The following ADH1C variants were observed in gnomAD, a reference collection of about 807,000 sequenced individuals.
The protein encoded by ADH1C is alcohol dehydrogenase 1C (class I), gamma polypeptide.
ADH1C carries 26 observed loss-of-function variants against 35.0 expected under a neutral mutation model. The observed-to-expected ratio is 0.74, with a 90% CI of 0.54 to 1.03. The LOEUF is 1.03. Among genes scored for constraint, ADH1C ranks in the 50% least tolerant of loss-of-function variants. The pLI is 0.00. For synonymous variants in ADH1C, 170 were observed against 169.3 expected (o/e 1.00, Z -0.03); for missense variants, 413 against 465.4 (o/e 0.89, Z 1.04).
At chr4:99,349,267 C>T (rs947033655) in intron 1 of ADH1C, among the ~76,000 whole-genome samples, 20 of 149,274 alleles carry the variant, frequency 1.3e-4, no homozygotes, top group African/African-American at 2.2e-4. Context: ...TTAGGTCTAA[C>T]GTTTAAGTCT....
In ADH1C at chr4:99,347,730, G is replaced by GAA; in HGVS notation, c.120+13_120+14dup. The GAA allele has an allele frequency of 6.3e-7, 1 of 1,588,094 alleles. No homozygotes were observed. Among genetic ancestry groups the GAA allele is most frequent in the Non-Finnish European group, 8.6e-7 (1 of 1,167,320 alleles). On this transcript the variant is annotated intron_variant, in intron 2 of 8. Coordinates refer to ENST00000515683, the MANE Select transcript of ADH1C (RefSeq NM_000669.5). ...TTAAACTTAAAATTAAATACAAATG[G>GAA]AAAAAGTATTTCACCTTAATGCGAA...
At chr4:99,341,757 G>A (rs1021303023) in intron 6 of ADH1C, among the ~76,000 whole-genome samples, 15 of 152,236 alleles carry the variant, frequency 9.9e-5, no homozygotes, top group African/African-American at 2.9e-4. Flanking sequence ...ATATGTTTCC[G>A]TTGCCTTTGA....
chr4:99,339,767 T>C, intron 7 of ADH1C, 52 bp from the exon 8 acceptor site: 7 of 1,533,564 alleles, frequency 4.6e-6, no homozygotes, highest in Admixed American at 4.2e-5. Flanking sequence ...AGTAGGAGAA[T>C]TGAAGAGAAG....
rs878910431 is a variant in ADH1C at position 99,348,373 on chromosome 4, G to A, written c.19-527C>T. 5.8e-3 allele frequency among the ~76,000 whole-genome samples: 872 copies of A among 149,614 alleles called. 9 individuals carry two copies. The highest frequency in any genetic ancestry group is 0.02 in the African/African-American group (805 of 40,340). ...TTTCCACCTATGAGTGAGAATATGCGGTGTTTGGTTTTTTGTTCTTGCGAT... is the reference window on the plus strand; with the variant it reads ...TTTCCACCTATGAGTGAGAATATGCAGTGTTTGGTTTTTTGTTCTTGCGAT... On this transcript the variant is annotated intron_variant, in intron 1 of 8. Transcript: ENST00000515683.
chr4:99,347,887 C>T lies in ADH1C; in HGVS notation c.19-41G>A, dbSNP rs371506789. 209 of 1,607,464 alleles carry T rather than the reference C, an allele frequency of 1.3e-4. 2 individuals carry two copies. Among genetic ancestry groups the T allele is most frequent in the Admixed American group, 1.0e-3 (62 of 59,774 alleles). On this transcript the variant is annotated intron_variant, in intron 1 of 8. Coordinates refer to ENST00000515683, the MANE Select transcript of ADH1C (RefSeq NM_000669.5). The stretch of plus-strand genomic sequence containing the variant: ...GAGAGATGGTACCAGTGTTTTCCCA[C>T]GCTTGCAGTCAGAAATTGTGTCTTT...
intron 1 of ADH1C, among the ~76,000 whole-genome samples, chr4:99,348,574 C>T (rs1249367017): frequency 8.6e-5 from 13 of 150,416 alleles, no homozygotes; most frequent in East Asian, 2.0e-4. Flanking sequence ...GTGAATAATG[C>T]GGCAATAAAC....
chr4:99,341,937 A>T (rs1734423944), intron 6 of ADH1C, among the ~76,000 whole-genome samples: 1 of 151,886 alleles, frequency 6.6e-6, no homozygotes, highest in Admixed American at 6.6e-5. Context: ...ACTTAAGCCC[A>T]GGAGGTTAAG....
chr4:99,340,850 C>G (rs572343851), intron 6 of ADH1C, 140 bp from the exon 7 acceptor site: 2 of 1,324,390 alleles, frequency 1.5e-6, no homozygotes, highest in East Asian at 2.4e-5. Flanking sequence ...CTTCATTCCC[C>G]CTTTCTTTGC....
chr4:99,351,450 A>G (rs900550406), intron 1 of ADH1C, among the ~76,000 whole-genome samples: 3 of 152,144 alleles, frequency 2.0e-5, no homozygotes, highest in African/African-American at 4.8e-5. Flanking sequence ...AGGATTATCT[A>G]TTTCATCAGT....
intron 2 of ADH1C, 115 bp downstream of exon 2, chr4:99,347,630 A>G: frequency 2.6e-6 from 3 of 1,144,876 alleles, no homozygotes; most frequent in Non-Finnish European, 3.6e-6. Context: ...ATGTAATTTT[A>G]TTTTCTGGAT....
chr4:99,339,719 A>G lies in ADH1C; in HGVS notation c.965-4T>C. ...ACAGATTCTTTACTCTTAAAGCCTG[A>G]AAAGAAGAAAATATCATTGATAGAT... On this transcript the variant is annotated splice_region_variant and splice_polypyrimidine_tract_variant and intron_variant, in intron 7 of 8. Coordinates refer to ENST00000515683, the MANE Select transcript of ADH1C (RefSeq NM_000669.5). 1 of 1,602,262 alleles carries G rather than the reference A, an allele frequency of 6.2e-7. No individual in the cohort carries two copies. The highest frequency in any genetic ancestry group is 8.5e-7 in the Non-Finnish European group (1 of 1,176,728).
At chr4:99,351,497 C>G (rs1014763643) in intron 1 of ADH1C, among the ~76,000 whole-genome samples, 1 of 152,164 alleles carries the variant, frequency 6.6e-6, no homozygotes, top group African/African-American at 2.4e-5. Flanking sequence ...TACTTTTGCT[C>G]TATGAACTCA....
intron 3 of ADH1C, among the ~76,000 whole-genome samples, chr4:99,346,576 T>A (rs1365618673): frequency 6.6e-6 from 1 of 152,168 alleles, no homozygotes; most frequent in African/African-American, 2.4e-5. Context: ...CCATGCAGCC[T>A]CCATTTTGTG....
intron 1 of ADH1C, 53 bp downstream of exon 1, chr4:99,352,601 CTTTA>C (rs1382724899): frequency 3.5e-5 from 51 of 1,443,758 alleles, no homozygotes; most frequent in African/African-American, 2.7e-4. Flanking sequence ...TACTGTATTC[CTTTA>C]TTTGTTATAT....
intron 6 of ADH1C, among the ~76,000 whole-genome samples, chr4:99,341,226 T>C (rs938935512): frequency 6.6e-6 from 1 of 152,178 alleles, no homozygotes; most frequent in African/African-American, 2.4e-5. Context: ...TTAAACATTG[T>C]TTTTACCTCC....
intron 8 of ADH1C, among the ~76,000 whole-genome samples, chr4:99,337,589 A>AGT (rs1162226930): frequency 1.3e-5 from 2 of 151,824 alleles, no homozygotes; most frequent in African/African-American, 2.4e-5. Context: ...TTTTATATAT[A>AGT]GTGTGTGTGT....
intron 1 of ADH1C, among the ~76,000 whole-genome samples, chr4:99,351,734 G>A (rs1468645388): frequency 1.3e-5 from 2 of 152,138 alleles, no homozygotes; most frequent in African/African-American, 4.8e-5. Flanking sequence ...CCTTTAAACT[G>A]AATTATCATA....
chr4:99,341,537 C>T (rs1353513877), intron 6 of ADH1C, among the ~76,000 whole-genome samples: 1 of 152,128 alleles, frequency 6.6e-6, no homozygotes, highest in Non-Finnish European at 1.5e-5. Flanking sequence ...AGCTATAGCC[C>T]TGGAAAAAAT....
At chr4:99,341,316 T>A (rs1244326707) in intron 6 of ADH1C, among the ~76,000 whole-genome samples, 2 of 152,178 alleles carry the variant, frequency 1.3e-5, no homozygotes, top group African/African-American at 4.8e-5. Context: ...TCTTTTCCAG[T>A]CAGCTTTTGG....
Sources: gnomAD v4.1 joint callset for allele counts (sites outside exome capture counted in the v4.1 genomes callset) on GRCh38, gnomAD v4.1.1 for gene constraint, MANE v1.5 for transcripts, NCBI Gene and HGNC (gene_info 2026-07-23, HGNC 2026-07-21) for gene names.